The following UBAP2 variants were observed in gnomAD, a reference collection of about 807,000 sequenced individuals.
UBAP2 encodes the protein ubiquitin associated protein 2, also known as ubiquitin-associated protein 2.
UBAP2 carries 75 observed loss-of-function variants against 139.6 expected under a neutral mutation model. The observed-to-expected ratio is 0.54, with a 90% CI of 0.45 to 0.65. The LOEUF (loss-of-function observed/expected upper bound fraction) is 0.65. UBAP2 is among the 30% of genes least tolerant of loss of function. UBAP2 has a pLI of 0.00. For missense variants in UBAP2, 1,368 were observed against 1,369.6 expected (o/e 1.00, Z 0.02); for synonymous variants, 526 against 526.2 (o/e 1.00, Z 0.01).
intron 4 of UBAP2, among the ~76,000 whole-genome samples, chr9:33,992,658 A>AGGG (rs35197118): frequency 9.6e-5 from 4 of 41,830 alleles, no homozygotes; most frequent in African/African-American, 2.2e-4. Flanking sequence ...TATCGGGCGG[A>AGGG]GGGGGGGGGG....
chr9:33,971,904 A>C, intron 7 of UBAP2, 150 bp from the exon 8 acceptor site: 1 of 567,268 alleles, frequency 1.8e-6, no homozygotes, highest in Non-Finnish European at 3.2e-6. Context: ...ATTTAAATAT[A>C]ACTAATTCTG....
chr9:33,933,787 A>AT lies in UBAP2; in HGVS notation c.1970-160_1970-159insA, dbSNP rs1824211365. On this transcript the variant is annotated intron_variant, in intron 17 of 28. Transcript: ENST00000379238. ...GAAAATGCCAAGCATATCGCCAGAT[A>AT]GCCCTTTGTCTGTCAAACAACACTA... 3 of 529,028 alleles carry AT rather than the reference A, an allele frequency of 5.7e-6. No individual in the cohort carries two copies. The African/African-American group carries it at 6.2e-5, about 11-fold the overall frequency. The allele number at this position is 529,028 out of a possible 1,614,324, so 32.8% of individuals were successfully genotyped here.
In UBAP2 at chr9:33,933,567, G is replaced by C; in HGVS notation, c.2031C>G (p.Thr677=). ...LPSVSSLPST[T]SCTALLPSTS... is the part of the protein sequence containing the mutation. ...TGGACGGCAGAAGTGCAGTGCAGGA[G>C]GTGGTGCTGGGCAGGGAGCTCACAG... Residue 677 remains threonine, a synonymous_variant, in exon 18 of 29, where the codon ACC becomes ACG. Coordinates refer to ENST00000379238, the MANE Select transcript of UBAP2 (RefSeq NM_001370062.2). 1 of 1,614,062 alleles carries C rather than the reference G, an allele frequency of 6.2e-7. No individual in the cohort carries two copies. Among genetic ancestry groups the C allele is most frequent in the East Asian group, 2.2e-5 (1 of 44,880 alleles).
chr9:33,980,821 C>T lies in UBAP2; in HGVS notation c.520+5939G>A, dbSNP rs1471148862. ...AATTAGCTGGGCATAGTAGCGTGCA[C>T]CTGTAGTCCCAGCTACTAGGGACGC... On this transcript the variant is annotated intron_variant, in intron 6 of 28. Coordinates refer to ENST00000379238, the MANE Select transcript of UBAP2 (RefSeq NM_001370062.2). 3.3e-5 allele frequency among the ~76,000 whole-genome samples: 5 copies of T among 151,044 alleles called. No individual in the cohort carries two copies. The East Asian group carries it at 5.9e-4, about 18-fold the overall frequency.
intron 9 of UBAP2, among the ~76,000 whole-genome samples, 162 bp from the exon 10 acceptor site, chr9:33,961,040 G>A (rs990797839): frequency 1.8e-4 from 27 of 151,934 alleles, no homozygotes; most frequent in African/African-American, 6.3e-4. Context: ...ATCTATTCTC[G>A]GTAAAATCAG....
Position 34,017,120 on chromosome 9 carries a change from C to A in UBAP2, c.29G>T (p.Cys10Phe). The A allele has an allele frequency of 1.2e-6, 2 of 1,610,768 alleles. No homozygotes were observed. The highest frequency in any genetic ancestry group is 1.7e-6 in the Non-Finnish European group (2 of 1,179,232). ...CTGTGGTTTTTCCCGAGCACCTCGA[C>A]AATGGTCACTGCTCACTGAAGTCAT... MMTSVSSDHCRGAREKPQIS... is the reference protein window; with the variant it reads MMTSVSSDHFRGAREKPQIS... Residue 10 changes from cysteine to phenylalanine, a missense_variant, in exon 2 of 29, where the codon TGT (cysteine) becomes TTT (phenylalanine). Transcript: ENST00000379238.
At chr9:33,969,090 GT>G (rs11327203) in intron 8 of UBAP2, among the ~76,000 whole-genome samples, 19,248 of 152,050 alleles carry the variant, frequency 0.13, 1,550 homozygotes, top group African/African-American at 0.22. Flanking sequence ...AACATTTGAG[GT>G]TTTTTCCCCC....
chr9:33,953,319 G>C lies in UBAP2; in HGVS notation c.1022C>G (p.Ser341Cys), dbSNP rs769423853. Residue 341 changes from serine (S) to cysteine (C), a missense_variant, in exon 12 of 29, where the codon TCC becomes TGC. By Grantham distance (112) the Ser-to-Cys change is moderately radical. Transcript: ENST00000379238. Reference sequence around the variant, plus strand: ...AGGAGAACAGGAGTTGACGGCAGTGGAGCTGCCAGTCCCTGGTGCCATCTG... The same window carrying C: ...AGGAGAACAGGAGTTGACGGCAGTGCAGCTGCCAGTCCCTGGTGCCATCTG... ...NNQMAPGTGSSTAVNSCSPQS... is the reference protein window; with the variant it reads ...NNQMAPGTGSCTAVNSCSPQS... 3.1e-6 allele frequency: 5 copies of C among 1,614,156 alleles called. No individual in the cohort carries two copies. The highest frequency in any genetic ancestry group is 1.3e-5 in the African/African-American group (1 of 75,060).
chr9:33,985,744 G>A lies in UBAP2; in HGVS notation c.520+1016C>T, dbSNP rs911276915. On this transcript the variant is annotated intron_variant, in intron 6 of 28. Transcript: ENST00000379238. ...AGAGAGAAGGAATAAATTCTAGGCC[G>A]GGCTCGGTGGCTCATGCCTGTAATC... 7.2e-5 allele frequency among the ~76,000 whole-genome samples: 11 copies of A among 152,024 alleles called. 1 individual carries two copies. Among genetic ancestry groups the A allele is most frequent in the Admixed American group, 7.2e-4 (11 of 15,246 alleles).
At position 33,923,909 on chromosome 9, in the gene UBAP2, G is replaced by A. The variant is rs1186223230; in HGVS notation, c.2682C>T (p.His894=). ...AQPQQSQSQT[H]HTAQQPFVNP... ...TCACGAAGGGCTGCTGGGCTGTGTG[G>A]TGGGTCTGTGATTGGCTCTGCTGTG... Residue 894 remains histidine, a synonymous_variant, in exon 24 of 29, where the codon CAC becomes CAT. Transcript: ENST00000379238. 2 of 1,614,242 alleles carry A rather than the reference G, an allele frequency of 1.2e-6. No homozygotes were observed. Among genetic ancestry groups the A allele is most frequent in the East Asian group, 2.2e-5 (1 of 44,882 alleles).
chr9:33,968,418 C>T (rs1410713885), intron 8 of UBAP2: 2 of 563,126 alleles, frequency 3.6e-6, no homozygotes, highest in Non-Finnish European at 7.1e-6. Context: ...ACCACCAGGG[C>T]ATACATAGTC....
At chr9:33,974,086 C>T (rs1230424385) in intron 6 of UBAP2, among the ~76,000 whole-genome samples, 1 of 152,072 alleles carries the variant, frequency 6.6e-6, no homozygotes, top group African/African-American at 2.4e-5. Context: ...AGCTACCTGA[C>T]AGGCTGAAGC....
At chr9:33,981,707 A>G (rs1421509987) in intron 6 of UBAP2, among the ~76,000 whole-genome samples, 1 of 151,526 alleles carries the variant, frequency 6.6e-6, no homozygotes, top group African/African-American at 2.4e-5. Context: ...CATGAGTTTG[A>G]TACTAGCCAA....
chr9:33,935,899 G>C, intron 16 of UBAP2, 21 bp from the exon 17 acceptor site: 1 of 1,609,190 alleles, frequency 6.2e-7, no homozygotes, highest in Non-Finnish European at 8.5e-7. Flanking sequence ...AAGAAGAGAA[G>C]AGAATATAAA....
chr9:33,959,689 C>G (rs1826872731), intron 10 of UBAP2, among the ~76,000 whole-genome samples: 1 of 152,082 alleles, frequency 6.6e-6, no homozygotes, highest in African/African-American at 2.4e-5. Context: ...TCAAAAATAT[C>G]TGTGCAATAA....
chr9:33,982,158 C>T (rs1489412831), intron 6 of UBAP2, among the ~76,000 whole-genome samples: 1 of 152,140 alleles, frequency 6.6e-6, no homozygotes, highest in Non-Finnish European at 1.5e-5. Flanking sequence ...GCAGAACTGC[C>T]AGCAGCCAGC....
At chr9:34,019,456 C>G (rs1433111031) in intron 1 of UBAP2, among the ~76,000 whole-genome samples, 2 of 151,890 alleles carry the variant, frequency 1.3e-5, no homozygotes, top group Non-Finnish European at 2.9e-5. Flanking sequence ...ATACAAGTTA[C>G]TTAGAAAAGT....
At chr9:33,934,496 G>C (rs377450987) in intron 17 of UBAP2, 4 of 155,712 alleles carry the variant, frequency 2.6e-5, no homozygotes, top group Non-Finnish European at 5.9e-5. Context: ...ACCTAGGTCA[G>C]TTCTTACAGA....
chr9:33,956,317 ATTTTTT>A (rs55858327), intron 10 of UBAP2, among the ~76,000 whole-genome samples, 171 bp from the exon 11 acceptor site: 1 of 134,022 alleles, frequency 7.5e-6, no homozygotes, highest in African/African-American at 2.8e-5. Context: ...AGTGAATGCA[ATTTTTT>A]TTTTTTTTTT....
Sources: gnomAD v4.1 joint callset for allele counts (sites outside exome capture counted in the v4.1 genomes callset) on GRCh38, gnomAD v4.1.1 for gene constraint, MANE v1.5 for transcripts, NCBI Gene and HGNC (gene_info 2026-07-23, HGNC 2026-07-21) for gene names.